The following TENM2 variants were observed in gnomAD, a reference collection of about 807,000 sequenced individuals.
The protein encoded by TENM2 is teneurin-2.
In TENM2, 52 loss-of-function variants were observed where a neutral mutation model predicts 245.2. The observed-to-expected ratio is 0.21, with a 90% CI of 0.17 to 0.27. The LOEUF (loss-of-function observed/expected upper bound fraction) is 0.27, where lower values mean the gene tolerates loss of function less well. Among genes scored for constraint, TENM2 ranks in the 10% least tolerant of loss-of-function variants. The pLI is 1.00. For synonymous variants in TENM2, 1,363 were observed against 1,438.9 expected (o/e 0.95, Z 1.19); for missense variants, 3,046 against 3,666.8 (o/e 0.83, Z 4.37).
chr5:167,196,212 CAT>C, the TENM2 span, among the ~76,000 whole-genome samples: 1 of 151,840 alleles, frequency 6.6e-6, no homozygotes, highest in African/African-American at 2.4e-5. Flanking sequence ...TGTTTCTAAA[CAT>C]ATAAACATAG....
At chr5:167,918,770 TCTC>T (rs1251420516) in intron 3 of TENM2, among the ~76,000 whole-genome samples, 4 of 145,212 alleles carry the variant, frequency 2.8e-5, no homozygotes, top group Non-Finnish European at 6.0e-5. Flanking sequence ...TGGATATTTT[TCTC>T]CTTTTTTTTT....
At chr5:167,531,880 C>T (rs984060347) in intron 2 of TENM2, among the ~76,000 whole-genome samples, 1 of 152,162 alleles carries the variant, frequency 6.6e-6, no homozygotes, top group African/African-American at 2.4e-5. Context: ...TACTTGAACT[C>T]CTATAAACCT....
At chr5:167,268,183 G>A in the TENM2 span, among the ~76,000 whole-genome samples, 1 of 152,156 alleles carries the variant, frequency 6.6e-6, no homozygotes. Flanking sequence ...ATAATTTGAT[G>A]TAATTGTGGC....
intron 1 of TENM2, among the ~76,000 whole-genome samples, chr5:167,293,918 C>A (rs920252778): frequency 6.6e-6 from 1 of 151,708 alleles, no homozygotes; most frequent in South Asian, 2.1e-4. Flanking sequence ...ACCATGATAC[C>A]ATTGTTTGTT....
chr5:168,064,816 TG>T (rs2152106864), intron 7 of TENM2, among the ~76,000 whole-genome samples: 1 of 152,312 alleles, frequency 6.6e-6, no homozygotes, highest in East Asian at 1.9e-4. Flanking sequence ...ACCGTGCCGA[TG>T]CTTAGAAATT....
At chr5:167,183,105 C>T in the TENM2 span, among the ~76,000 whole-genome samples, 2 of 152,096 alleles carry the variant, frequency 1.3e-5, no homozygotes, top group African/African-American at 4.8e-5. Context: ...GCCCATTATG[C>T]TGTTTCTCAC....
intron 4 of TENM2, among the ~76,000 whole-genome samples, chr5:167,967,539 G>A (rs1336696122): frequency 6.6e-6 from 1 of 152,138 alleles, no homozygotes; most frequent in East Asian, 1.9e-4. Flanking sequence ...AAATTTGCCT[G>A]CCTCTACAAA....
intron 2 of TENM2, among the ~76,000 whole-genome samples, chr5:167,864,546 C>T (rs922563747): frequency 2.0e-5 from 3 of 152,188 alleles, no homozygotes; most frequent in African/African-American, 7.2e-5. Flanking sequence ...CAAGGTCTCC[C>T]AGAGAATCAG....
At chr5:167,540,171 CTG>C (rs1003552561) in intron 2 of TENM2, among the ~76,000 whole-genome samples, 8 of 152,174 alleles carry the variant, frequency 5.3e-5, no homozygotes, top group African/African-American at 1.7e-4. Context: ...AAAAATGACA[CTG>C]TGGAGAGCCA....
intron 12 of TENM2, among the ~76,000 whole-genome samples, chr5:168,154,978 G>A (rs1464839500): frequency 1.3e-5 from 2 of 152,184 alleles, no homozygotes; most frequent in African/African-American, 2.4e-5. Flanking sequence ...TCATGGCTGC[G>A]TGTCCACGCC....
chr5:167,920,190 A>G (rs1416380743), intron 3 of TENM2, among the ~76,000 whole-genome samples: 1 of 151,938 alleles, frequency 6.6e-6, no homozygotes, highest in Non-Finnish European at 1.5e-5. Flanking sequence ...AAATTAAATC[A>G]CTTAAAAAAT....
chr5:167,935,486 G>A (rs893281791), intron 3 of TENM2, among the ~76,000 whole-genome samples: 11 of 152,174 alleles, frequency 7.2e-5, no homozygotes, highest in African/African-American at 2.7e-4. Flanking sequence ...GTGATCTAAT[G>A]AACCGTTATT....
chr5:167,648,417 C>T (rs1780108960), intron 2 of TENM2, among the ~76,000 whole-genome samples: 1 of 152,200 alleles, frequency 6.6e-6, no homozygotes, highest in Admixed American at 6.5e-5. Context: ...ATGTCAGGCA[C>T]TGCTCAGTTT....
At chr5:167,894,875 T>C (rs1487542755) in intron 3 of TENM2, among the ~76,000 whole-genome samples, 2 of 151,018 alleles carry the variant, frequency 1.3e-5, no homozygotes, top group Non-Finnish European at 2.9e-5. Flanking sequence ...TTTATTCTCG[T>C]AACTTACTAG....
chr5:167,842,777 G>A (rs191025680), intron 2 of TENM2, among the ~76,000 whole-genome samples: 1 of 152,154 alleles, frequency 6.6e-6, no homozygotes, highest in South Asian at 2.1e-4. Flanking sequence ...GCAGTGTCAA[G>A]CTACTATAGA....
chr5:168,019,374 A>G (rs977297240), intron 5 of TENM2, among the ~76,000 whole-genome samples: 1 of 152,194 alleles, frequency 6.6e-6, no homozygotes, highest in Non-Finnish European at 1.5e-5. Context: ...TGAAAACTAG[A>G]TGAGAGCCAA....
At chr5:167,079,046 C>T in the TENM2 span, among the ~76,000 whole-genome samples, 3 of 152,174 alleles carry the variant, frequency 2.0e-5, no homozygotes, top group African/African-American at 7.2e-5. Context: ...CTTGTTACAC[C>T]TCAGCTGGAG....
At chr5:167,754,965 T>C (rs906962093) in intron 2 of TENM2, 9 of 1,522,860 alleles carry the variant, frequency 5.9e-6, no homozygotes, top group Non-Finnish European at 7.9e-6. Flanking sequence ...GGAGAAGGCC[T>C]CAGCTGTGTC....
chr5:167,409,104 G>A (rs1241954294), intron 2 of TENM2, among the ~76,000 whole-genome samples: 1 of 151,778 alleles, frequency 6.6e-6, no homozygotes, highest in Non-Finnish European at 1.5e-5. Flanking sequence ...TATATTGATG[G>A]TCATGCTATT....
Sources: allele counts gnomAD v4.1 joint callset (sites outside exome capture counted in the v4.1 genomes callset), GRCh38; gene constraint gnomAD v4.1.1; transcripts MANE v1.5; gene names NCBI Gene and HGNC (gene_info 2026-07-23, HGNC 2026-07-21).